Variants in GRK5 observed in about 807,000 individuals in gnomAD.
GRK5 encodes G protein-coupled receptor kinase 5, also known as g protein-coupled receptor kinase GRK5.
In GRK5, 40 loss-of-function variants were observed where a neutral mutation model predicts 78.4. The observed-to-expected ratio is 0.51, with a 90% CI of 0.40 to 0.66. GRK5 has a LOEUF of 0.66. Among genes scored for constraint, GRK5 ranks in the 30% least tolerant of loss-of-function variants. The probability of loss-of-function intolerance (pLI) is 0.00; values close to 1 mark genes in which losing one functional copy is unlikely to be tolerated. For synonymous variants in GRK5, 289 were observed against 296.8 expected, an observed-to-expected ratio of 0.97 and a Z score of 0.27; for missense variants, 598 against 759.9, an observed-to-expected ratio of 0.79 and a Z score of 2.50.
chr10:119,318,506 C>T (rs942000861), intron 1 of GRK5, among the ~76,000 whole-genome samples: 3 of 152,122 alleles, frequency 2.0e-5, no homozygotes, highest in African/African-American at 7.2e-5. Flanking sequence ...GACCTTAGAC[C>T]GTCCACATCA....
chr10:119,303,386 G>A (rs1850217492), intron 1 of GRK5, among the ~76,000 whole-genome samples: 1 of 152,156 alleles, frequency 6.6e-6, no homozygotes, highest in South Asian at 2.1e-4. Context: ...GTGTGGGTGT[G>A]TGGAGGTCAT....
intron 4 of GRK5, among the ~76,000 whole-genome samples, chr10:119,399,248 C>G (rs1435953595): frequency 6.6e-6 from 1 of 152,242 alleles, no homozygotes; most frequent in Non-Finnish European, 1.5e-5. Flanking sequence ...GTGGTTGATC[C>G]ATGCCTTGGG....
intron 1 of GRK5, among the ~76,000 whole-genome samples, chr10:119,317,613 T>C (rs1850514441): frequency 2.6e-5 from 4 of 152,118 alleles, no homozygotes; most frequent in Non-Finnish European, 5.9e-5. Flanking sequence ...ATTAATGGCT[T>C]TAAGCCTGCC....
At chr10:119,301,052 C>T (rs896305466) in intron 1 of GRK5, among the ~76,000 whole-genome samples, 9 of 151,794 alleles carry the variant, frequency 5.9e-5, no homozygotes, top group Admixed American at 2.6e-4. Context: ...TGCAGTGAGC[C>T]GAGATCGTGC....
At chr10:119,403,060 C>T (rs1200511005) in intron 4 of GRK5, among the ~76,000 whole-genome samples, 1 of 152,226 alleles carries the variant, frequency 6.6e-6, no homozygotes. Context: ...ACTCCCTGTT[C>T]CCCTTTCCTC....
chr10:119,387,344 G>T (rs557154436), intron 3 of GRK5, among the ~76,000 whole-genome samples: 1 of 152,180 alleles, frequency 6.6e-6, no homozygotes, highest in Non-Finnish European at 1.5e-5. Context: ...AAGTCAAGTG[G>T]AAGGCTGCAG....
intron 1 of GRK5, 38 bp downstream of exon 1, chr10:119,208,007 C>A: frequency 6.3e-7 from 1 of 1,589,308 alleles, no homozygotes; most frequent in African/African-American, 1.4e-5. Flanking sequence ...GCGCGTCCGC[C>A]GCGGGCCAGG....
At chr10:119,443,501 G>T (rs763071571) in intron 11 of GRK5, 43 bp from the exon 12 acceptor site, 6 of 1,549,300 alleles carry the variant, frequency 3.9e-6, no homozygotes, top group Non-Finnish European at 5.3e-6. Flanking sequence ...GCCACCAGCT[G>T]TCTCCCTCCT....
intron 3 of GRK5, among the ~76,000 whole-genome samples, chr10:119,392,033 C>G (rs1375217612): frequency 2.0e-5 from 3 of 152,166 alleles, no homozygotes; most frequent in African/African-American, 7.2e-5. Flanking sequence ...GGGCCGGCTT[C>G]TTTGAAAACG....
At chr10:119,354,395 C>CTTTTTTTTTTTTTTTTTTTTTTTT (rs60146483) in intron 2 of GRK5, among the ~76,000 whole-genome samples, 1 of 87,808 alleles carries the variant, frequency 1.1e-5, no homozygotes, top group African/African-American at 4.4e-5. Context: ...CCTACATCTC[C>CTTTTTTTTTTTTTTTTTTTTTTTT]TTTTTTTTTT....
chr10:119,293,774 TGGGTGCTGCCATCGCCTCG>T (rs1169549940), intron 1 of GRK5, among the ~76,000 whole-genome samples: 1 of 127,800 alleles, frequency 7.8e-6, no homozygotes, highest in Non-Finnish European at 1.7e-5. Context: ...TGGGGCTGGG[TGGGTGCTGCCATCGCCTCG>T]GGGTGGTACC....
At chr10:119,407,499 A>C (rs1027976819) in intron 4 of GRK5, among the ~76,000 whole-genome samples, 2 of 152,214 alleles carry the variant, frequency 1.3e-5, no homozygotes, top group Non-Finnish European at 2.9e-5. Context: ...CAAAGCAGAG[A>C]AGTTGGCTGT....
chr10:119,248,927 C>G (rs1849155332), intron 1 of GRK5, among the ~76,000 whole-genome samples: 1 of 152,000 alleles, frequency 6.6e-6, no homozygotes, highest in African/African-American at 2.4e-5. Context: ...GACCTCTGAC[C>G]TAGGGCAAGT....
intron 10 of GRK5, among the ~76,000 whole-genome samples, chr10:119,441,115 G>T (rs531670234): frequency 6.6e-6 from 1 of 152,220 alleles, no homozygotes; most frequent in Non-Finnish European, 1.5e-5. Context: ...GTGGAGGGGC[G>T]GTCGGAGGGC....
intron 2 of GRK5, among the ~76,000 whole-genome samples, chr10:119,360,269 A>G (rs1851339059): frequency 6.6e-6 from 1 of 152,174 alleles, no homozygotes; most frequent in Non-Finnish European, 1.5e-5. Context: ...CCCTGCCCCA[A>G]AGCAGAGCCA....
chr10:119,319,440 C>T (rs1312520058), intron 1 of GRK5, among the ~76,000 whole-genome samples: 9 of 152,264 alleles, frequency 5.9e-5, no homozygotes, highest in Admixed American at 1.3e-4. Flanking sequence ...CCCCCCTGAT[C>T]GGCCCTGGGC....
At chr10:119,323,159 G>A (rs1850614429) in intron 1 of GRK5, among the ~76,000 whole-genome samples, 1 of 152,214 alleles carries the variant, frequency 6.6e-6, no homozygotes, top group African/African-American at 2.4e-5. Context: ...GAGGGAATGG[G>A]AGTTAATGTT....
chr10:119,455,353 G>A lies in GRK5; in HGVS notation c.*286G>A, dbSNP rs1225316228. The A allele has an allele frequency of 1.8e-5, 11 of 607,612 alleles. No homozygotes were observed. The highest frequency in any genetic ancestry group is 1.0e-4 in the East Asian group (3 of 30,104). 37.6% of individuals were successfully genotyped at this position (607,612 alleles called of 1,614,324 possible). A position where few individuals can be genotyped will look rare whatever the true frequency, so the allele number is the denominator to read the frequency against. ...GACAACTTGCACGTATTTTAATAGC[G>A]TCATAACTAGAACTGAATTTTGTCT... is the stretch of plus-strand genomic sequence containing the variant. On this transcript the variant is annotated 3_prime_UTR_variant, in exon 16 of 16. Coordinates refer to ENST00000392870, the MANE Select transcript of GRK5 (RefSeq NM_005308.3).
Position 119,279,102 on chromosome 10 carries a change from G to A in GRK5, c.53-47414G>A, listed in dbSNP as rs546657954. On this transcript the variant is annotated intron_variant, in intron 1 of 15. Transcript: ENST00000392870. ...TCACCATGTTAGCCAGGATGGTCTC[G>A]ATCTCCTGACCTCGTGATCCACCCG... Among the ~76,000 whole-genome samples, 3 of 152,016 alleles carry A rather than the reference G, an allele frequency of 2.0e-5. No individual in the cohort carries two copies. The South Asian group carries it at 6.2e-4, about 32-fold the overall frequency.
Sources: gnomAD v4.1 joint callset for allele counts (sites outside exome capture counted in the v4.1 genomes callset) on GRCh38, gnomAD v4.1.1 for gene constraint, MANE v1.5 for transcripts, NCBI Gene and HGNC (gene_info 2026-07-23, HGNC 2026-07-21) for gene names.